TNR: variants seen among roughly 807,000 people sequenced by gnomAD.
TNR encodes the protein tenascin-R.
TNR carries 45 observed loss-of-function variants against 150.4 expected under a neutral mutation model. The ratio of observed to expected loss-of-function variants is 0.30; its 90% CI spans 0.24 to 0.38. TNR has a LOEUF of 0.38. Ranked by LOEUF, TNR falls within the 10% of genes least tolerant of loss-of-function variation. The probability of loss-of-function intolerance (pLI) is 1.00; values close to 1 mark genes in which losing one functional copy is unlikely to be tolerated. For synonymous variants in TNR, 687 were observed against 678.4 expected (o/e 1.01, Z -0.20); for missense variants, 1,544 against 1,759.1 (o/e 0.88, Z 2.19).
At chr1:175,543,238 G>C (rs1413426875) in intron 1 of TNR, among the ~76,000 whole-genome samples, 1 of 152,176 alleles carries the variant, frequency 6.6e-6, no homozygotes, top group Non-Finnish European at 1.5e-5. Flanking sequence ...AGAAAAGAGT[G>C]ACTGAGCTGG....
At chr1:175,380,780 G>C (rs116532757) in intron 8 of TNR, among the ~76,000 whole-genome samples, 1 of 152,126 alleles carries the variant, frequency 6.6e-6, no homozygotes, top group Non-Finnish European at 1.5e-5. Flanking sequence ...GTGCAATAAC[G>C]TGCTGCCCGG....
intron 18 of TNR, among the ~76,000 whole-genome samples, chr1:175,349,468 G>A (rs1650955889): frequency 6.6e-6 from 1 of 152,138 alleles, no homozygotes; most frequent in Admixed American, 6.5e-5. Flanking sequence ...ACAGTGCTGA[G>A]CAAAAACTAT....
intron 1 of TNR, among the ~76,000 whole-genome samples, chr1:175,638,307 G>T (rs773771175): frequency 6.6e-6 from 1 of 152,184 alleles, no homozygotes; most frequent in African/African-American, 2.4e-5. Flanking sequence ...ATAACCAACT[G>T]TGGCACTCTT....
rs1553203605 is a variant in TNR, at chr1:175,331,158, T to TTCCTTCCTTCC, written c.3632-924_3632-923insGGAAGGAAGGA. Reference sequence around the variant, plus strand: ...TTCTTTCTTTCTTCCTTTCTTTCTTTTTCTTTCCTTCCTTCCTTCCTTCCT... The same window carrying TTCCTTCCTTCC: ...TTCTTTCTTTCTTCCTTTCTTTCTTTTCCTTCCTTCCTTCTTTCCTTCCTTCCTTCCTTCCT... On this transcript the variant is annotated intron_variant, in intron 20 of 22. Coordinates refer to ENST00000367674, the MANE Select transcript of TNR (RefSeq NM_003285.3). 6.9e-5 allele frequency among the ~76,000 whole-genome samples: 7 copies of TTCCTTCCTTCC among 101,506 alleles called. 1 individual carries two copies. The highest frequency in any genetic ancestry group is 2.4e-4 in the African/African-American group (6 of 24,894). The allele number at this position is 101,506 out of a possible 152,430, so 66.6% of individuals were successfully genotyped here. A position where few individuals can be genotyped will look rare whatever the true frequency, so the allele number is the denominator to read the frequency against.
intron 1 of TNR, among the ~76,000 whole-genome samples, chr1:175,724,879 G>A (rs1667436671): frequency 6.6e-6 from 1 of 152,028 alleles, no homozygotes; most frequent in Non-Finnish European, 1.5e-5. Context: ...GGCCTGGAGG[G>A]GAGAGGAAGA....
At chr1:175,593,778 G>A (rs1352220418) in intron 1 of TNR, among the ~76,000 whole-genome samples, 2 of 152,004 alleles carry the variant, frequency 1.3e-5, no homozygotes, top group Admixed American at 1.3e-4. Flanking sequence ...TGGCAAGTAG[G>A]GCCCAAGATA....
intron 1 of TNR, among the ~76,000 whole-genome samples, chr1:175,550,063 C>A (rs1660876467): frequency 6.6e-6 from 1 of 152,186 alleles, no homozygotes; most frequent in African/African-American, 2.4e-5. Flanking sequence ...GAGGCTATTA[C>A]AACAGAGGAG....
At chr1:175,688,063 A>C (rs1218585997) in intron 1 of TNR, among the ~76,000 whole-genome samples, 1 of 152,264 alleles carries the variant, frequency 6.6e-6, no homozygotes, top group East Asian at 1.9e-4. Context: ...CTCCTTGGGA[A>C]CACGATGGGA....
intron 4 of TNR, among the ~76,000 whole-genome samples, chr1:175,399,617 T>C (rs1378160636): frequency 6.6e-6 from 1 of 152,176 alleles, no homozygotes; most frequent in Non-Finnish European, 1.5e-5. Flanking sequence ...GTAATCCTTA[T>C]AAAAGAAAAT....
intron 1 of TNR, among the ~76,000 whole-genome samples, chr1:175,707,506 A>T (rs986263378): frequency 2.0e-5 from 3 of 152,242 alleles, no homozygotes; most frequent in Non-Finnish European, 4.4e-5. Flanking sequence ...AAATTTATAA[A>T]GAAACACTGA....
chr1:175,711,460 C>T (rs12049604), intron 1 of TNR, among the ~76,000 whole-genome samples: 49 of 152,156 alleles, frequency 3.2e-4, no homozygotes, highest in Admixed American at 8.5e-4. Flanking sequence ...TGATAAGAGG[C>T]GTAATAGCAG....
At chr1:175,523,262 C>T (rs918134626) in intron 2 of TNR, among the ~76,000 whole-genome samples, 2 of 152,202 alleles carry the variant, frequency 1.3e-5, no homozygotes, top group African/African-American at 2.4e-5. Context: ...GGTAGTGGGG[C>T]ATTGTGGGAT....
At chr1:175,363,993 T>C (rs1316718301) in intron 12 of TNR, among the ~76,000 whole-genome samples, 166 bp from the exon 13 acceptor site, 1 of 152,252 alleles carries the variant, frequency 6.6e-6, no homozygotes, top group Non-Finnish European at 1.5e-5. Flanking sequence ...GATGTTTCAC[T>C]TGAAACCTTG....
At chr1:175,382,212 A>G (rs926899435) in intron 8 of TNR, among the ~76,000 whole-genome samples, 12 of 152,178 alleles carry the variant, frequency 7.9e-5, no homozygotes, top group Admixed American at 5.2e-4. Flanking sequence ...GATCTTGTCT[A>G]TCTGTTTATT....
chr1:175,325,430 C>G (rs1649320275), intron 21 of TNR, among the ~76,000 whole-genome samples: 2 of 152,328 alleles, frequency 1.3e-5, no homozygotes, highest in South Asian at 4.1e-4. Flanking sequence ...GGACTAAAAA[C>G]TAGTTCAACC....
rs564806065 is a variant in TNR at position 175,429,530 on chromosome 1, T to C, written c.-63-22753A>G. 6.9e-4 allele frequency among the ~76,000 whole-genome samples: 105 copies of C among 152,322 alleles called. 1 individual carries two copies. Among genetic ancestry groups the C allele is most frequent in the African/African-American group, 2.4e-3 (100 of 41,580 alleles). ...ATCACTTAGAACAGAACCTATGACA[T>C]GATCAGTGTTCAGTAACTACTACAT... is the stretch of plus-strand genomic sequence containing the variant. On this transcript the variant is annotated intron_variant, in intron 2 of 22. Coordinates refer to ENST00000367674, the MANE Select transcript of TNR (RefSeq NM_003285.3).
intron 1 of TNR, among the ~76,000 whole-genome samples, chr1:175,727,429 G>A (rs1667510076): frequency 6.6e-6 from 1 of 152,192 alleles, no homozygotes; most frequent in African/African-American, 2.4e-5. Context: ...GAGGATGGAA[G>A]CCTGCTTGGG....
At chr1:175,548,653 T>C (rs1434902995) in intron 1 of TNR, among the ~76,000 whole-genome samples, 2 of 127,038 alleles carry the variant, frequency 1.6e-5, no homozygotes, top group African/African-American at 5.8e-5. Context: ...CTGGTTTTAC[T>C]GTAAGCAAAA....
chr1:175,504,399 A>T (rs1658866386), intron 2 of TNR, among the ~76,000 whole-genome samples: 1 of 152,164 alleles, frequency 6.6e-6, no homozygotes, highest in Admixed American at 6.5e-5. Context: ...CAGAGGAGGC[A>T]GGTAGCAGTG....
Sources: gnomAD v4.1 joint callset for allele counts (sites outside exome capture counted in the v4.1 genomes callset) on GRCh38, gnomAD v4.1.1 for gene constraint, MANE v1.5 for transcripts, NCBI Gene and HGNC (gene_info 2026-07-23, HGNC 2026-07-21) for gene names.